The following KLF5 variants were observed in gnomAD, a reference collection of about 807,000 sequenced individuals.
KLF5 encodes Krueppel-like factor 5.
Under a neutral mutation model 36.9 loss-of-function variants are expected in KLF5, and 9 were observed. The ratio of observed to expected loss-of-function variants is 0.24; its 90% confidence interval spans 0.15 to 0.43. The LOEUF (loss-of-function observed/expected upper bound fraction) is 0.43, where lower values mean the gene tolerates loss of function less well. Among genes scored for constraint, KLF5 ranks in the 20% least tolerant of loss-of-function variants. KLF5 has a pLI of 1.00. For missense variants in KLF5, 524 were observed against 599.5 expected (o/e 0.87, Z 1.31); for synonymous variants, 246 against 241.7 (o/e 1.02, Z -0.17).
intron 3 of KLF5, among the ~76,000 whole-genome samples, chr13:73,067,209 T>C (rs1162433268): frequency 6.6e-6 from 1 of 152,230 alleles, no homozygotes; most frequent in East Asian, 1.9e-4. Flanking sequence ...TACTCTAAAG[T>C]TGCTCCCAAG....
In KLF5 at chr13:73,059,481, A is replaced by C; in HGVS notation, c.154A>C (p.Lys52Gln). 4.8e-6 allele frequency: 6 copies of C among 1,253,944 alleles called. No homozygotes were observed. The highest frequency in any genetic ancestry group is 6.0e-6 in the Non-Finnish European group (6 of 1,000,956). 77.7% of individuals were successfully genotyped at this position (1,253,944 alleles called of 1,614,324 possible). Residue 52 changes from lysine to glutamine, a missense_variant, in exon 1 of 4, where the codon AAG becomes CAG. Lys to Gln is a moderately conservative substitution (Grantham distance 53, BLOSUM62 1). Around this residue, in one of 4 missense-constraint regions of KLF5, gnomAD observed 454 missense variants for 458.1 expected, o/e 0.99. Coordinates refer to ENST00000377687, the MANE Select transcript of KLF5 (RefSeq NM_001730.5). The part of the protein sequence containing the change: ...DAALFPGEEL[K>Q]HAHHRPQAQP... ...GGCGCTCTTCCCCGGCGAGGAGCTGAAGCACGCGCACCACCGCCCGCAGGC... is the reference window on the plus strand; with the variant it reads ...GGCGCTCTTCCCCGGCGAGGAGCTGCAGCACGCGCACCACCGCCCGCAGGC...
At chr13:73,069,831 C>G (rs2044709983) in intron 3 of KLF5, among the ~76,000 whole-genome samples, 1 of 152,172 alleles carries the variant, frequency 6.6e-6, no homozygotes. Flanking sequence ...GATGAATAAT[C>G]TCTTCTTGCC....
Position 73,061,934 on chromosome 13 carries a change from A to G in KLF5, c.335A>G (p.Tyr112Cys), listed in dbSNP as rs2044638380. The G allele has an allele frequency of 6.2e-7, 1 of 1,614,010 alleles. No individual in the cohort carries two copies. The highest frequency in any genetic ancestry group is 8.5e-7 in the Non-Finnish European group (1 of 1,179,962). The change falls in exon 2 of 4, where the codon TAT (tyrosine) becomes TGT (cysteine). Residue 112 changes from tyrosine to cysteine, a missense_variant. Around this residue, in one of 4 missense-constraint regions of KLF5, gnomAD observed 454 missense variants for 458.1 expected, o/e 0.99. Transcript: ENST00000377687. ...PVPIIPEHKK[Y>C]RRDSASVVDQ... The stretch of plus-strand genomic sequence containing the variant: ...CCTATAATTCCAGAGCATAAAAAGT[A>G]TAGACGAGACAGTGCCTCAGTCGTA...
At chr13:73,058,418 A>G (rs780562321), upstream of KLF5, among the ~76,000 whole-genome samples, 8 of 152,256 alleles carry the variant, frequency 5.3e-5, no homozygotes, top group Admixed American at 2.0e-4. Flanking sequence ...TTAAACGGAT[A>G]CACTCACTGC....
chr13:73,062,371 G>A lies in KLF5; in HGVS notation c.772G>A (p.Ala258Thr). 1.2e-6 allele frequency: 2 copies of A among 1,614,186 alleles called. No homozygotes were observed. Among genetic ancestry groups the A allele is most frequent in the Non-Finnish European group, 1.7e-6 (2 of 1,180,036 alleles). ...GGACACTCTTAATGTTTCTATGTCAGCTGCCATGGCAGGCCTTAACACACA... is the reference window on the plus strand; with the variant it reads ...GGACACTCTTAATGTTTCTATGTCAACTGCCATGGCAGGCCTTAACACACA... ...AMDTLNVSMS[A>T]AMAGLNTHTS... Residue 258 changes from alanine (A) to threonine (T), a missense_variant, in exon 2 of 4, where the codon GCT becomes ACT. Physicochemically the swap from Ala to Thr is moderately conservative, Grantham distance 58. This residue lies in a region of KLF5 where 454 missense variants were observed against 458.1 expected (regional missense o/e 0.99). Transcript: ENST00000377687.
intron 3 of KLF5, among the ~76,000 whole-genome samples, chr13:73,070,414 A>G (rs575890318): frequency 3.9e-5 from 6 of 152,234 alleles, no homozygotes; most frequent in Admixed American, 3.3e-4. Flanking sequence ...AACTCCCATT[A>G]TAAGAAAGTG....
Position 73,064,520 on chromosome 13 carries a change from CT to C in KLF5, c.1195+641del, listed in dbSNP as rs1300520704. 1.5e-4 allele frequency among the ~76,000 whole-genome samples: 23 copies of C among 152,298 alleles called. 1 individual carries two copies. In the East Asian group the frequency reaches 4.4e-3, roughly 29 times the overall value. ...TATGCTTTTAAGTTTAGCTCCTCTA[CT>C]TTTGTATTTGCTTTGTTCAATCTAT... is the stretch of plus-strand genomic sequence containing the variant. On this transcript the variant is annotated intron_variant, in intron 3 of 3. Coordinates refer to ENST00000377687, the MANE Select transcript of KLF5 (RefSeq NM_001730.5).
chr13:73,059,277 G>A lies in KLF5; in HGVS notation c.-51G>A, dbSNP rs1008362687. ...CTCGCCGACCCAAGCCAGCGTGGGC[G>A]AGGTGGGAAGTGCGCCCGACCCGCG... On this transcript the variant is annotated 5_prime_UTR_variant, in exon 1 of 4. Transcript: ENST00000377687. The A allele has an allele frequency of 2.3e-6, 3 of 1,308,410 alleles. No individual in the cohort carries two copies. Among genetic ancestry groups the A allele is most frequent in the Admixed American group, 4.0e-5 (1 of 24,868 alleles). The allele number at this position is 1,308,410 out of a possible 1,614,324, so 81.1% of individuals were successfully genotyped here. A position where few individuals can be genotyped will look rare whatever the true frequency, so the allele number is the denominator to read the frequency against.
chr13:73,076,043 T>C lies in KLF5; in HGVS notation c.*157T>C. On this transcript the variant is annotated 3_prime_UTR_variant, in exon 4 of 4. Transcript: ENST00000377687. ...TATATTTGAGAAAACAGGGAATACATTGTATTAATACCAAAGTGTTTGGTC... is the reference window on the plus strand; with the variant it reads ...TATATTTGAGAAAACAGGGAATACACTGTATTAATACCAAAGTGTTTGGTC... 1.6e-6 allele frequency: 1 copy of C among 608,430 alleles called. No homozygotes were observed. 37.7% of individuals were successfully genotyped at this position (608,430 alleles called of 1,614,324 possible).
chr13:73,057,458 T>C (rs2044589769), upstream of KLF5, among the ~76,000 whole-genome samples: 1 of 152,140 alleles, frequency 6.6e-6, no homozygotes, highest in South Asian at 2.1e-4. Context: ...AACATGAAAG[T>C]AGTCATCAGC....
chr13:73,063,513 TA>T (rs2044655882), intron 2 of KLF5, among the ~76,000 whole-genome samples: 1 of 152,164 alleles, frequency 6.6e-6, no homozygotes, highest in South Asian at 2.1e-4. Flanking sequence ...TTAAAATTTT[TA>T]AAAAAACATA....
At chr13:73,062,787 G>A in intron 2 of KLF5, 53 bp downstream of exon 2, 32 of 1,520,866 alleles carry the variant, frequency 2.1e-5, no homozygotes, top group Non-Finnish European at 2.9e-5. Flanking sequence ...GTGTGTGTGT[G>A]TGTCTGTGTG....
chr13:73,067,018 G>A (rs1340753795), intron 3 of KLF5, among the ~76,000 whole-genome samples: 1 of 152,190 alleles, frequency 6.6e-6, no homozygotes, highest in Non-Finnish European at 1.5e-5. Context: ...TTTGTAGTAT[G>A]TGTGTGTATA....
chr13:73,063,920 A>C, intron 3 of KLF5, 37 bp downstream of exon 3: 2 of 1,341,918 alleles, frequency 1.5e-6, no homozygotes, highest in East Asian at 2.3e-5. Context: ...GAGTTGTGTA[A>C]ATAGTGTAAG....
In KLF5 at chr13:73,076,581, TTTC is replaced by T; in HGVS notation, c.*698_*700del. The T allele has an allele frequency of 1.3e-5, 2 of 152,616 alleles. No homozygotes were observed. The highest frequency in any genetic ancestry group is 1.3e-4 in the Admixed American group (2 of 15,292). 9.5% of individuals were successfully genotyped at this position (152,616 alleles called of 1,614,324 possible). A position where few individuals can be genotyped will look rare whatever the true frequency, so the allele number is the denominator to read the frequency against. On this transcript the variant is annotated 3_prime_UTR_variant, in exon 4 of 4. Coordinates refer to ENST00000377687, the MANE Select transcript of KLF5 (RefSeq NM_001730.5). ...GTACCTCTCAACATTACCAAAATCA[TTTC>T]TTTAGAGGGAAGGAATAATCATTCA...
In KLF5 at chr13:73,076,044, T is replaced by C; in HGVS notation, c.*158T>C. The C allele has an allele frequency of 1.7e-6, 1 of 603,960 alleles. No homozygotes were observed. 37.4% of individuals were successfully genotyped at this position (603,960 alleles called of 1,614,324 possible). On this transcript the variant is annotated 3_prime_UTR_variant, in exon 4 of 4. Coordinates refer to ENST00000377687, the MANE Select transcript of KLF5 (RefSeq NM_001730.5). ...ATATTTGAGAAAACAGGGAATACAT[T>C]GTATTAATACCAAAGTGTTTGGTCA...
intron 3 of KLF5, among the ~76,000 whole-genome samples, chr13:73,070,858 C>T (rs751341815): frequency 1.3e-5 from 2 of 152,132 alleles, no homozygotes; most frequent in African/African-American, 4.8e-5. Flanking sequence ...CACCTAAATG[C>T]GTATTACCAG....
chr13:73,070,584 G>A (rs976333372), intron 3 of KLF5, among the ~76,000 whole-genome samples: 1 of 152,228 alleles, frequency 6.6e-6, no homozygotes, highest in African/African-American at 2.4e-5. Flanking sequence ...CTGCTAGGAT[G>A]TAGACTGTAA....
chr13:73,067,812 A>G (rs2044691154), intron 3 of KLF5, among the ~76,000 whole-genome samples: 1 of 151,970 alleles, frequency 6.6e-6, no homozygotes, highest in Non-Finnish European at 1.5e-5. Context: ...AACATTGTAC[A>G]AATAACATAG....
Sources: gnomAD v4.1 joint callset for allele counts (sites outside exome capture counted in the v4.1 genomes callset) on GRCh38, gnomAD v4.1.1 for gene constraint, gnomAD v4.1.1 regional missense constraint, MANE v1.5 for transcripts, NCBI Gene and HGNC (gene_info 2026-07-23, HGNC 2026-07-21) for gene names.